Variants in CEP290 observed in about 807,000 individuals in gnomAD.
CEP290 encodes centrosomal protein of 290 kDa.
In CEP290, 317 loss-of-function variants were observed where a neutral mutation model predicts 344.9. The ratio of observed to expected loss-of-function variants is 0.92; its 90% CI spans 0.84 to 1.01. CEP290 has a LOEUF of 1.01. Among genes scored for constraint, CEP290 ranks in the 50% least tolerant of loss-of-function variants. CEP290 has a pLI of 0.00. For synonymous variants in CEP290, 932 were observed against 895.8 expected (o/e 1.04, Z -0.72); for missense variants, 2,754 against 2,761.4 (o/e 1.00, Z 0.06).
At chr12:88,096,222 T>C (rs1486271804) in intron 27 of CEP290, among the ~76,000 whole-genome samples, 2 of 152,212 alleles carry the variant, frequency 1.3e-5, no homozygotes, top group South Asian at 2.1e-4. Flanking sequence ...CTAATTTTTG[T>C]ACTTTTAGTA....
chr12:88,077,991 GA>G (rs2035910986), intron 39 of CEP290, 73 bp from the exon 40 acceptor site: 3 of 629,976 alleles, frequency 4.8e-6, no homozygotes, highest in East Asian at 6.6e-5. Flanking sequence ...ACATAAAACA[GA>G]AAATATACCA....
chr12:88,092,741 T>A lies in CEP290; in HGVS notation c.3401A>T (p.Asp1134Val), dbSNP rs369874586. 20 of 1,610,368 alleles carry A rather than the reference T, an allele frequency of 1.2e-5. No homozygotes were observed. Among genetic ancestry groups the A allele is most frequent in the Non-Finnish European group, 1.7e-5 (20 of 1,178,454 alleles). The part of the protein sequence containing the change: ...DSVSKAVSDA[D>V]RQRILELEKN... ...CTCTAATTCTAGAATCCGTTGCCTATCAGCATCACTTACTGCCTTGCTCAC... is the reference window on the plus strand; with the variant it reads ...CTCTAATTCTAGAATCCGTTGCCTAACAGCATCACTTACTGCCTTGCTCAC... Residue 1134 changes from aspartate (D) to valine (V), a missense_variant, in exon 29 of 54, where the codon GAT (aspartate) becomes GTT (valine). Coordinates refer to ENST00000552810, the MANE Select transcript of CEP290 (RefSeq NM_025114.4).
intron 27 of CEP290, 122 bp from the exon 28 acceptor site, chr12:88,094,097 T>G (rs1257075439): frequency 2.8e-6 from 2 of 723,008 alleles, no homozygotes; most frequent in Non-Finnish European, 4.4e-6. Context: ...CTTTCTGAAT[T>G]CCATCAGACC....
At position 88,080,230 on chromosome 12, in the gene CEP290, T is replaced by C. The variant is rs2137102455; in HGVS notation, c.5178A>G (p.Leu1726=). Residue 1726 remains leucine, a synonymous_variant, in exon 38 of 54, where the codon CTA becomes CTG. Coordinates refer to ENST00000552810, the MANE Select transcript of CEP290 (RefSeq NM_025114.4). ...SRAPTTTMRN[L]VERLKSQLAL... is the part of the protein sequence containing the mutation. ...CTAATTGGCTCTTTAGCCGTTCTAC[T>C]AGATTTCTCATTGTAGTTGTTGGAG... 6.2e-7 allele frequency: 1 copy of C among 1,613,386 alleles called. No individual in the cohort carries two copies. Among genetic ancestry groups the C allele is most frequent in the South Asian group, 1.1e-5 (1 of 91,024 alleles).
chr12:88,095,963 T>C (rs2037395568), intron 27 of CEP290, among the ~76,000 whole-genome samples: 1 of 152,296 alleles, frequency 6.6e-6, no homozygotes, highest in South Asian at 2.1e-4. Context: ...CTATAAGCAA[T>C]AGCAAAAATA....
Position 88,111,281 on chromosome 12 carries a change from A to G in CEP290, c.2288T>C (p.Ile763Thr), listed in dbSNP as rs781177836. Reference protein sequence around the residue: ...SEGSNVVFKGIDLPDGIAPSS... With the variant: ...SEGSNVVFKGTDLPDGIAPSS... Reference sequence around the variant, plus strand: ...TGGTGCTATCCCATCAGGTAAGTCAATTCCTTTAAAAACAACATTTGATCC... The same window carrying G: ...TGGTGCTATCCCATCAGGTAAGTCAGTTCCTTTAAAAACAACATTTGATCC... The change falls in exon 22 of 54, where the codon ATT (isoleucine) becomes ACT (threonine). Residue 763 changes from isoleucine to threonine, a missense_variant. Coordinates refer to ENST00000552810, the MANE Select transcript of CEP290 (RefSeq NM_025114.4). 26 of 1,556,114 alleles carry G rather than the reference A, an allele frequency of 1.7e-5. No homozygotes were observed. The highest frequency in any genetic ancestry group is 2.0e-5 in the Non-Finnish European group (23 of 1,149,500).
chr12:88,140,891 T>G, intron 3 of CEP290, 65 bp downstream of exon 3: 5 of 1,062,886 alleles, frequency 4.7e-6, no homozygotes, highest in Non-Finnish European at 6.8e-6. Flanking sequence ...TTACCTTATA[T>G]AAGAACAGAT....
intron 6 of CEP290, chr12:88,136,174 C>A (rs1555227574): frequency 6.4e-6 from 1 of 156,912 alleles, no homozygotes; most frequent in Non-Finnish European, 1.4e-5. Context: ...ATATATCTCA[C>A]ATAAAATAAG....
rs771857714 is a variant in CEP290, at chr12:88,090,740, C to T, written c.3561G>A (p.Leu1187=). 2.6e-6 allele frequency: 4 copies of T among 1,551,634 alleles called. No individual in the cohort carries two copies. The highest frequency in any genetic ancestry group is 2.4e-5 in the South Asian group (2 of 84,188). Residue 1187 remains leucine (L), a synonymous_variant, in exon 30 of 54, where the codon CTG becomes CTA. Coordinates refer to ENST00000552810, the MANE Select transcript of CEP290 (RefSeq NM_025114.4). ...DKEVESLRMQ[L]LDYQAQSDEK... is the part of the protein sequence containing the mutation. ...ATACTGCACATACCTGATAGTCTAG[C>T]AGTTGCATTCTGAGGGACTCTACTT...
chr12:88,120,173 T>G lies in CEP290; in HGVS notation c.1463A>C (p.Lys488Thr), dbSNP rs1485562020. 2.0e-6 allele frequency: 3 copies of G among 1,535,970 alleles called. No homozygotes were observed. The Admixed American group carries it at 6.1e-5, about 31-fold the overall frequency. ...GAAATCACTGATCTTCAATTCAAGT[T>G]TATTGATTTCCTTTGTTAATATTTC... ...EIEILTKEIN[K>T]LELKISDFLD... The change falls in exon 15 of 54, where the codon AAA becomes ACA. Residue 488 changes from lysine to threonine, a missense_variant. Lys to Thr is a moderately conservative substitution (Grantham distance 78, BLOSUM62 -1). Transcript: ENST00000552810.
chr12:88,133,437 C>T (rs2040194017), intron 6 of CEP290, among the ~76,000 whole-genome samples: 2 of 152,126 alleles, frequency 1.3e-5, no homozygotes, highest in Non-Finnish European at 2.9e-5. Flanking sequence ...ATATGTTCCA[C>T]ATTTTCATTA....
chr12:88,139,499 T>C lies in CEP290; in HGVS notation c.246A>G (p.Lys82=), dbSNP rs761233532. ...EVEKAGEEQA[K]FENQLKTKVM... ...AACTTTTTCCAAGGTGCTTACCAAATTTTGCTTGTTCTTCTCCAGCTTTTT... is the reference window on the plus strand; with the variant it reads ...AACTTTTTCCAAGGTGCTTACCAAACTTTGCTTGTTCTTCTCCAGCTTTTT... Residue 82 remains lysine, a synonymous_variant, in exon 4 of 54, where the codon AAA becomes AAG. Transcript: ENST00000552810. 1.6e-5 allele frequency: 25 copies of C among 1,598,940 alleles called. No individual in the cohort carries two copies. The South Asian group carries it at 2.6e-4, about 17-fold the overall frequency.
chr12:88,050,575 TCAGGATGTAAA>T, intron 52 of CEP290, 142 bp from the exon 53 acceptor site: 1 of 516,184 alleles, frequency 1.9e-6, no homozygotes, highest in Non-Finnish European at 3.4e-6. Flanking sequence ...CTGAAATACT[TCAGGATGTAAA>T]CACTTAATGC....
chr12:88,096,949 C>A lies in CEP290; in HGVS notation c.3042G>T (p.Leu1014=). The A allele has an allele frequency of 6.3e-7, 1 of 1,580,396 alleles. No homozygotes were observed. Residue 1014 remains leucine, a synonymous_variant, in exon 27 of 54, where the codon CTG becomes CTT. Transcript: ENST00000552810. The stretch of plus-strand genomic sequence containing the variant: ...TGTGAAGTTTTTCCTTGGTAATCTC[C>A]AGTTCTTTATTTATAGACTCCACTT... ...KEQVESINKE[L]EITKEKLHTI...
intron 41 of CEP290, 39 bp downstream of exon 41, chr12:88,077,183 C>T (rs2035842042): frequency 6.4e-7 from 1 of 1,573,302 alleles, no homozygotes; most frequent in African/African-American, 1.4e-5. Context: ...TACTCTGTCA[C>T]TACCTTAAGC....
In CEP290 at chr12:88,106,627, T is replaced by C. The variant is rs76460170; in HGVS notation, c.2817+48A>G. On this transcript the variant is annotated intron_variant, in intron 25 of 53. Transcript: ENST00000552810. ...TTGATACCATCCTATCTTCTGCATA[T>C]TTGAAATTTTTCATAGTCAGAAAAA... The C allele has an allele frequency of 2.4e-3, 3,006 of 1,250,744 alleles. 56 individuals are homozygous for C. The African/African-American group carries it at 0.04, about 17-fold the overall frequency. The allele number at this position is 1,250,744 out of a possible 1,614,324, so 77.5% of individuals were successfully genotyped here.
At position 88,049,469 on chromosome 12, in the gene CEP290, T is replaced by G. The variant is rs2033265757; in HGVS notation, c.7210-55A>C. 7.7e-6 allele frequency: 7 copies of G among 907,236 alleles called. No individual in the cohort carries two copies. The East Asian group carries it at 1.9e-4, about 24-fold the overall frequency. The allele number at this position is 907,236 out of a possible 1,614,324, so 56.2% of individuals were successfully genotyped here. ...ATATAGGAAATATACATATTTTACG[T>G]TTGAACAAGGAGATTTAATTGTAAA... On this transcript the variant is annotated intron_variant, in intron 53 of 53. Coordinates refer to ENST00000552810, the MANE Select transcript of CEP290 (RefSeq NM_025114.4).
At chr12:88,106,605 A>G (rs1300133256) in intron 25 of CEP290, 70 bp downstream of exon 25, 9 of 939,946 alleles carry the variant, frequency 9.6e-6, no homozygotes, top group African/African-American at 1.7e-5. Context: ...AGCATTATTG[A>G]TACCATCCTA....
Position 88,080,218 on chromosome 12 carries a change from T to C in CEP290, c.5190A>G (p.Leu1730=), listed in dbSNP as rs1203367950. 1.2e-6 allele frequency: 2 copies of C among 1,612,300 alleles called. No individual in the cohort carries two copies. Among genetic ancestry groups the C allele is most frequent in the South Asian group, 1.1e-5 (1 of 90,780 alleles). The change falls in exon 38 of 54, where the codon CTA becomes CTG. Residue 1730 remains leucine (L), a synonymous_variant. Coordinates refer to ENST00000552810, the MANE Select transcript of CEP290 (RefSeq NM_025114.4). ...TTTMRNLVER[L]KSQLALKEKQ... ...TCTCCTTCAAGGCTAATTGGCTCTT[T>C]AGCCGTTCTACTAGATTTCTCATTG... is the stretch of plus-strand genomic sequence containing the variant.
Sources: allele counts gnomAD v4.1 joint callset (sites outside exome capture counted in the v4.1 genomes callset), GRCh38; gene constraint gnomAD v4.1.1; transcripts MANE v1.5; gene names NCBI Gene and HGNC (gene_info 2026-07-23, HGNC 2026-07-21).